The following SH3GL2 variants were observed in gnomAD, a reference collection of about 807,000 sequenced individuals.
SH3GL2 encodes the protein SH3 domain containing GRB2 like 2, endophilin A1.
A neutral mutation model predicts 46.0 loss-of-function variants in SH3GL2; 24 were observed. The observed-to-expected ratio is 0.52, with a 90% CI of 0.38 to 0.73. SH3GL2 has a LOEUF of 0.73. Ranked by LOEUF, SH3GL2 falls within the 30% of genes least tolerant of loss-of-function variation. The probability of loss-of-function intolerance (pLI) is 0.00; values close to 1 mark genes in which losing one functional copy is unlikely to be tolerated. For synonymous variants in SH3GL2, 196 were observed against 147.1 expected, an observed-to-expected ratio of 1.33 and a Z score of -2.40; for missense variants, 413 against 424.2, an observed-to-expected ratio of 0.97 and a Z score of 0.23.
intron 1 of SH3GL2, among the ~76,000 whole-genome samples, chr9:17,743,771 T>G (rs1822601267): frequency 6.6e-6 from 1 of 152,222 alleles, no homozygotes; most frequent in African/African-American, 2.4e-5. Context: ...TTAAAATCAC[T>G]CTATATTTAA....
In SH3GL2 at chr9:17,769,570, C is replaced by T. The variant is rs1340219918; in HGVS notation, c.187+8061C>T. Reference sequence around the variant, plus strand: ...TTCTTCTGCCTGGAACACTCTTCTCCAGCTCCTGTTAATGTCTGCTGCTCC... The same window carrying T: ...TTCTTCTGCCTGGAACACTCTTCTCTAGCTCCTGTTAATGTCTGCTGCTCC... On this transcript the variant is annotated intron_variant, in intron 3 of 8. Transcript: ENST00000380607. Among the ~76,000 whole-genome samples, 12 of 152,182 alleles carry T rather than the reference C, an allele frequency of 7.9e-5. No homozygotes were observed. The East Asian group carries it at 2.1e-3, about 27-fold the overall frequency.
intron 1 of SH3GL2, among the ~76,000 whole-genome samples, chr9:17,736,981 A>G (rs1802892364): frequency 6.6e-6 from 1 of 152,176 alleles, no homozygotes; most frequent in African/African-American, 2.4e-5. Context: ...GATTGGATAA[A>G]GAAAATGTGG....
chr9:17,662,622 T>A (rs1820248720), intron 1 of SH3GL2, among the ~76,000 whole-genome samples: 1 of 152,106 alleles, frequency 6.6e-6, no homozygotes, highest in African/African-American at 2.4e-5. Flanking sequence ...TCTTTTGGCA[T>A]GTTAGCATGC....
intron 1 of SH3GL2, among the ~76,000 whole-genome samples, chr9:17,676,959 A>G (rs980986209): frequency 6.6e-6 from 1 of 151,934 alleles, no homozygotes; most frequent in Non-Finnish European, 1.5e-5. Context: ...AAATTCCTTC[A>G]TCTTGGCTTC....
At chr9:17,744,823 C>G (rs1046238986) in intron 1 of SH3GL2, among the ~76,000 whole-genome samples, 5 of 152,180 alleles carry the variant, frequency 3.3e-5, no homozygotes, top group African/African-American at 9.7e-5. Context: ...CAGAAAAATC[C>G]TAAATCTGTG....
intron 1 of SH3GL2, among the ~76,000 whole-genome samples, chr9:17,715,727 A>G (rs1470807817): frequency 1.3e-5 from 2 of 150,690 alleles, no homozygotes; most frequent in African/African-American, 4.8e-5. Context: ...CATTATGTCC[A>G]GATAAACCTA....
intron 1 of SH3GL2, among the ~76,000 whole-genome samples, chr9:17,705,063 C>T (rs1324252930): frequency 6.6e-6 from 1 of 151,678 alleles, no homozygotes; most frequent in Non-Finnish European, 1.5e-5. Context: ...AAAAAAACCC[C>T]ATTAAAAAAT....
At chr9:17,774,005 C>A (rs1588323185) in intron 3 of SH3GL2, among the ~76,000 whole-genome samples, 1 of 152,186 alleles carries the variant, frequency 6.6e-6, no homozygotes, top group East Asian at 1.9e-4. Context: ...TTGTTGAAGT[C>A]TTTTACCTCC....
intron 1 of SH3GL2, among the ~76,000 whole-genome samples, chr9:17,597,987 G>C (rs1818605467): frequency 6.6e-6 from 1 of 152,188 alleles, no homozygotes; most frequent in Non-Finnish European, 1.5e-5. Flanking sequence ...CGTGGAACTG[G>C]CAGTGCAGTG....
chr9:17,604,969 C>G (rs1818737296), intron 1 of SH3GL2, among the ~76,000 whole-genome samples: 1 of 128,756 alleles, frequency 7.8e-6, no homozygotes, highest in Non-Finnish European at 1.6e-5. Context: ...AGTGTTCTTT[C>G]ACAAGTCATT....
At chr9:17,666,896 T>C (rs1820357955) in intron 1 of SH3GL2, among the ~76,000 whole-genome samples, 1 of 152,180 alleles carries the variant, frequency 6.6e-6, no homozygotes, top group Non-Finnish European at 1.5e-5. Flanking sequence ...AGGACCTATT[T>C]CTCCACAGTT....
At chr9:17,600,179 C>G (rs755157970) in intron 1 of SH3GL2, among the ~76,000 whole-genome samples, 4 of 152,110 alleles carry the variant, frequency 2.6e-5, no homozygotes, top group Non-Finnish European at 4.4e-5. Flanking sequence ...ATTACATGAA[C>G]GCTGGAGTTT....
chr9:17,651,103 A>G (rs1461603029), intron 1 of SH3GL2, among the ~76,000 whole-genome samples: 2 of 151,922 alleles, frequency 1.3e-5, no homozygotes, highest in African/African-American at 4.8e-5. Flanking sequence ...ATTAGTTTTT[A>G]CTGTTCTTAA....
chr9:17,793,384 C>T lies in SH3GL2; in HGVS notation c.746C>T (p.Ser249Phe). 2 of 1,612,362 alleles carry T rather than the reference C, an allele frequency of 1.2e-6. No homozygotes were observed. The highest frequency in any genetic ancestry group is 1.7e-6 in the Non-Finnish European group (2 of 1,179,058). The change falls in exon 8 of 9, where the codon TCT becomes TTT. Residue 249 changes from serine to phenylalanine, a missense_variant. By Grantham distance (155) the Ser-to-Phe change is radical. Around this residue, in one of 3 missense-constraint regions of SH3GL2, gnomAD observed 248 missense variants for 215.0 expected, o/e 1.15. Coordinates refer to ENST00000380607, the MANE Select transcript of SH3GL2 (RefSeq NM_003026.5). ...TACTGCAGAATAAGACAGGCTTCAT[C>T]TCAGCCTAGAAGGGAATATCAACCT... ...RLEERIRQAS[S>F]QPRREYQPKP...
At chr9:17,771,855 G>C (rs1470221225) in intron 3 of SH3GL2, among the ~76,000 whole-genome samples, 1 of 152,056 alleles carries the variant, frequency 6.6e-6, no homozygotes, top group Admixed American at 6.6e-5. Flanking sequence ...TTTGGGTTGA[G>C]AGTAGCACGA....
At chr9:17,581,951 G>A (rs555075668) in intron 1 of SH3GL2, among the ~76,000 whole-genome samples, 5 of 152,220 alleles carry the variant, frequency 3.3e-5, no homozygotes, top group African/African-American at 7.2e-5. Flanking sequence ...TGCCCGCCTC[G>A]ATTACAGGCT....
intron 2 of SH3GL2, among the ~76,000 whole-genome samples, chr9:17,753,714 A>G (rs1822911672): frequency 6.6e-6 from 1 of 152,060 alleles, no homozygotes; most frequent in Admixed American, 6.6e-5. Context: ...CTTGGTTGCA[A>G]TTGCTTTTGG....
intron 1 of SH3GL2, among the ~76,000 whole-genome samples, chr9:17,699,134 A>G (rs951154240): frequency 1.5e-5 from 2 of 135,062 alleles, no homozygotes; most frequent in South Asian, 5.0e-4. Context: ...CAGCTAGGTG[A>G]CAGAGTGAGA....
chr9:17,625,002 C>G (rs955244674), intron 1 of SH3GL2, among the ~76,000 whole-genome samples: 1 of 152,146 alleles, frequency 6.6e-6, no homozygotes, highest in Non-Finnish European at 1.5e-5. Flanking sequence ...AATTGTTCTT[C>G]TATTTAATTT....
Sources: allele counts gnomAD v4.1 joint callset (sites outside exome capture counted in the v4.1 genomes callset), GRCh38; gene constraint gnomAD v4.1.1; regional missense constraint gnomAD v4.1.1; transcripts MANE v1.5; gene names NCBI Gene and HGNC (gene_info 2026-07-23, HGNC 2026-07-21).